PARD3: variants seen among roughly 807,000 people sequenced by gnomAD.
PARD3 encodes partitioning defective 3 homolog.
Under a neutral mutation model 155.4 loss-of-function variants are expected in PARD3, and 75 were observed. That is an observed-to-expected ratio of 0.48 (90% CI 0.40 to 0.58). PARD3 has a LOEUF of 0.58. PARD3 is among the 20% of genes least tolerant of loss of function. The pLI, the probability that PARD3 is intolerant of heterozygous loss-of-function variation, is 0.00. For synonymous variants in PARD3, 576 were observed against 610.5 expected, an observed-to-expected ratio of 0.94 and a Z score of 0.83; for missense variants, 1,642 against 1,721.7, an observed-to-expected ratio of 0.95 and a Z score of 0.82.
chr10:34,737,224 A>G (rs1163670837), intron 1 of PARD3, among the ~76,000 whole-genome samples: 2 of 152,188 alleles, frequency 1.3e-5, no homozygotes, highest in African/African-American at 4.8e-5. Context: ...GTGAGGTCAA[A>G]GGTATCTCAT....
At chr10:34,585,041 C>A (rs1344730281) in intron 2 of PARD3, among the ~76,000 whole-genome samples, 2 of 152,146 alleles carry the variant, frequency 1.3e-5, no homozygotes, top group African/African-American at 4.8e-5. Flanking sequence ...ACACCTCATT[C>A]ATGATCATCT....
chr10:34,383,943 C>T (rs1194738066), intron 8 of PARD3, among the ~76,000 whole-genome samples, 186 bp downstream of exon 8: 3 of 152,172 alleles, frequency 2.0e-5, no homozygotes, highest in African/African-American at 7.2e-5. Context: ...CATCAGAGGA[C>T]ATTTTGAAAT....
chr10:34,639,407 G>A (rs1286868957), intron 2 of PARD3, among the ~76,000 whole-genome samples: 1 of 151,864 alleles, frequency 6.6e-6, no homozygotes, highest in Non-Finnish European at 1.5e-5. Context: ...AAATACATAG[G>A]AAAACACAAG....
At position 34,605,524 on chromosome 10, in the gene PARD3, C is replaced by CTA. The variant is rs200202280; in HGVS notation, c.223-88367_223-88366dup. Among the ~76,000 whole-genome samples the CTA allele has an allele frequency of 5.2e-4, 21 of 40,404 alleles. 1 individual carries two copies. The highest frequency in any genetic ancestry group is 7.6e-4 in the Non-Finnish European group (18 of 23,662). The allele number at this position is 40,404 out of a possible 152,430, so 26.5% of individuals were successfully genotyped here. A position where few individuals can be genotyped will look rare whatever the true frequency, so the allele number is the denominator to read the frequency against. On this transcript the variant is annotated intron_variant, in intron 2 of 24. Transcript: ENST00000374788. ...ACTCTTAAATATATATATATATCTC[C>CTA]TATATATATCTCCTATATATATATA... is the stretch of plus-strand genomic sequence containing the variant.
chr10:34,252,022 G>C (rs1355343850), intron 22 of PARD3, among the ~76,000 whole-genome samples: 1 of 152,162 alleles, frequency 6.6e-6, no homozygotes, highest in Non-Finnish European at 1.5e-5. Context: ...GGAGGAGACG[G>C]ATGATAACAT....
At chr10:34,570,581 A>G (rs917040373) in intron 2 of PARD3, among the ~76,000 whole-genome samples, 1 of 152,204 alleles carries the variant, frequency 6.6e-6, no homozygotes, top group Non-Finnish European at 1.5e-5. Flanking sequence ...AATTTAGACT[A>G]AAGTTTCGAT....
At chr10:34,752,875 G>C (rs1836238939) in intron 1 of PARD3, among the ~76,000 whole-genome samples, 1 of 152,184 alleles carries the variant, frequency 6.6e-6, no homozygotes, top group Non-Finnish European at 1.5e-5. Flanking sequence ...TCAGCTAAAG[G>C]CTAGTGTTTC....
At chr10:34,676,668 A>G (rs1237176541) in intron 2 of PARD3, among the ~76,000 whole-genome samples, 2 of 152,226 alleles carry the variant, frequency 1.3e-5, no homozygotes, top group Non-Finnish European at 2.9e-5. Flanking sequence ...GAATTTAATT[A>G]GACAAATTAG....
At chr10:34,199,387 C>T (rs1399529287) in intron 22 of PARD3, among the ~76,000 whole-genome samples, 1 of 152,116 alleles carries the variant, frequency 6.6e-6, no homozygotes, top group Non-Finnish European at 1.5e-5. Context: ...AGGGCTTAGC[C>T]TGGAGAAGCC....
intron 22 of PARD3, among the ~76,000 whole-genome samples, chr10:34,177,689 C>T (rs1029930398): frequency 2.0e-5 from 3 of 152,182 alleles, no homozygotes; most frequent in Admixed American, 2.0e-4. Context: ...TAGTAGAATG[C>T]ATGATCAAGG....
intron 3 of PARD3, among the ~76,000 whole-genome samples, chr10:34,509,793 CAA>C (rs1209895058): frequency 4.0e-5 from 6 of 148,504 alleles, no homozygotes; most frequent in African/African-American, 1.6e-4. Context: ...GAAAAAATGA[CAA>C]AACAACAAAA....
intron 2 of PARD3, among the ~76,000 whole-genome samples, chr10:34,688,594 C>G (rs1292998959): frequency 6.6e-6 from 1 of 152,192 alleles, no homozygotes; most frequent in Non-Finnish European, 1.5e-5. Flanking sequence ...TACCTTTTTA[C>G]ACTCAAAGAG....
intron 22 of PARD3, among the ~76,000 whole-genome samples, chr10:34,237,201 A>C (rs116285832): frequency 0.013 from 1,976 of 152,292 alleles, 53 homozygotes; most frequent in East Asian, 0.12. Flanking sequence ...GTGAGGATGA[A>C]GGAAGCTGTT....
intron 2 of PARD3, among the ~76,000 whole-genome samples, chr10:34,561,828 C>T (rs1293027217): frequency 2.6e-5 from 4 of 150,982 alleles, no homozygotes; most frequent in Non-Finnish European, 5.9e-5. Context: ...CTGTAACGCA[C>T]ATTTAAAACT....
intron 2 of PARD3, among the ~76,000 whole-genome samples, chr10:34,597,214 G>A (rs977032575): frequency 1.3e-5 from 2 of 152,058 alleles, no homozygotes; most frequent in Non-Finnish European, 2.9e-5. Flanking sequence ...GGCAGCTGCT[G>A]CTCAGAGCAC....
At chr10:34,509,501 A>G (rs1460483777) in intron 3 of PARD3, among the ~76,000 whole-genome samples, 1 of 152,196 alleles carries the variant, frequency 6.6e-6, no homozygotes, top group Non-Finnish European at 1.5e-5. Flanking sequence ...AAACAGAAAA[A>G]CAAATTTTTA....
chr10:34,660,986 G>A lies in PARD3; in HGVS notation c.222+35332C>T, dbSNP rs567891838. On this transcript the variant is annotated intron_variant, in intron 2 of 24. Coordinates refer to ENST00000374788, the MANE Select transcript of PARD3 (RefSeq NM_001184785.2). ...TCTACTGACATAATGAAATAGTAAT[G>A]TAAATAAATGTTACTTTTTTAAAAA... Among the ~76,000 whole-genome samples the A allele has an allele frequency of 3.7e-4, 57 of 152,116 alleles. 1 individual carries two copies. The highest frequency in any genetic ancestry group is 1.3e-3 in the African/African-American group (52 of 41,490).
At chr10:34,801,462 G>A (rs926498143) in intron 1 of PARD3, among the ~76,000 whole-genome samples, 5 of 152,170 alleles carry the variant, frequency 3.3e-5, no homozygotes, top group African/African-American at 4.8e-5. Context: ...ACGGATGAGA[G>A]GAGGTAGTCC....
intron 20 of PARD3, among the ~76,000 whole-genome samples, chr10:34,311,433 GTC>G (rs756186400): frequency 6.6e-6 from 1 of 152,116 alleles, no homozygotes; most frequent in Non-Finnish European, 1.5e-5. Flanking sequence ...TAAATATACA[GTC>G]TCTGTCTCAA....
Sources: allele counts gnomAD v4.1 joint callset (sites outside exome capture counted in the v4.1 genomes callset), GRCh38; gene constraint gnomAD v4.1.1; transcripts MANE v1.5; gene names NCBI Gene and HGNC (gene_info 2026-07-23, HGNC 2026-07-21).